Variants in DYNC1H1 observed in about 807,000 individuals in gnomAD.
DYNC1H1 encodes cytoplasmic dynein 1 heavy chain 1.
A neutral mutation model predicts 527.1 loss-of-function variants in DYNC1H1; 51 were observed. The observed-to-expected ratio is 0.10, with a 90% confidence interval of 0.08 to 0.12. The LOEUF (loss-of-function observed/expected upper bound fraction) is 0.12, where lower values mean the gene tolerates loss of function less well. Ranked by LOEUF, DYNC1H1 falls within the 10% of genes least tolerant of loss-of-function variation. DYNC1H1 has a pLI of 1.00. For missense variants in DYNC1H1, 2,771 were observed against 5,971.8 expected (o/e 0.46, Z 17.66); for synonymous variants, 2,189 against 2,278.8 (o/e 0.96, Z 1.12).
chr14:101,979,172 A>T lies in DYNC1H1; in HGVS notation c.345-147A>T. ...CATTCTGTAACCATAACCTTGATTC[A>T]GTAGCTCTCATGTACTAAAGAAAGA... On this transcript the variant is annotated intron_variant, in intron 2 of 77. Transcript: ENST00000360184. The surrounding 1 kb of genome is among the most constrained non-coding windows in gnomAD (Gnocchi z 4.6). 1.3e-6 allele frequency: 1 copy of T among 760,106 alleles called. No homozygotes were observed. Among genetic ancestry groups the T allele is most frequent in the Non-Finnish European group, 2.1e-6 (1 of 474,388 alleles). 47.1% of individuals were successfully genotyped at this position (760,106 alleles called of 1,614,324 possible).
intron 34 of DYNC1H1, among the ~76,000 whole-genome samples, chr14:102,013,747 G>A (rs954570421): frequency 1.3e-5 from 2 of 152,198 alleles, no homozygotes; most frequent in Non-Finnish European, 1.5e-5. Context: ...GCTGCCGTTT[G>A]GAGAATGAAG....
chr14:101,975,954 C>A (rs535853941), intron 2 of DYNC1H1, among the ~76,000 whole-genome samples, 155 bp downstream of exon 2: 1 of 150,584 alleles, frequency 6.6e-6, no homozygotes, highest in African/African-American at 2.4e-5. Context: ...GTTGCCCAGG[C>A]TGGAGTACAA....
intron 69 of DYNC1H1, 42 bp from the exon 70 acceptor site, chr14:102,043,833 C>A (rs1326576878): frequency 6.2e-7 from 1 of 1,613,914 alleles, no homozygotes. Flanking sequence ...TGGCGAAGTG[C>A]TGTTTTCTAA....
Position 102,041,533 on chromosome 14 carries a change from C to T in DYNC1H1, c.11942-41C>T, listed in dbSNP as rs1046065445. 1.2e-6 allele frequency: 2 copies of T among 1,613,138 alleles called. No individual in the cohort carries two copies. Among genetic ancestry groups the T allele is most frequent in the Non-Finnish European group, 8.5e-7 (1 of 1,179,958 alleles). ...AGGCAGGGGAGGGCGTCTCTGAGTCCATGCTTCCACCCAGCACCCACCCCT... is the reference window on the plus strand; with the variant it reads ...AGGCAGGGGAGGGCGTCTCTGAGTCTATGCTTCCACCCAGCACCCACCCCT... On this transcript the variant is annotated intron_variant, in intron 64 of 77. Coordinates refer to ENST00000360184, the MANE Select transcript of DYNC1H1 (RefSeq NM_001376.5). The surrounding 1 kb of genome is among the most constrained non-coding windows in gnomAD (Gnocchi z 4.5).
At position 101,979,760 on chromosome 14, in the gene DYNC1H1, C is replaced by T. The variant is rs2047841710; in HGVS notation, c.560C>T (p.Ala187Val). Residue 187 changes from alanine (A) to valine (V), a missense_variant, in exon 4 of 78, where the codon GCA becomes GTA. Transcript: ENST00000360184. This position sits in a 1 kb window ranked among gnomAD's most constrained non-coding sequence, Gnocchi z 4.6. ...GCTCCTTCAGTTGAAAAGAAGATTG[C>T]AGAACTCGAAATGGGACTCCTTCAC... Reference protein sequence around the residue: ...KMAPSVEKKIAELEMGLLHLQ... With the variant: ...KMAPSVEKKIVELEMGLLHLQ... 5.0e-6 allele frequency: 8 copies of T among 1,614,142 alleles called. No individual in the cohort carries two copies. The East Asian group carries it at 1.8e-4, about 36-fold the overall frequency.
At chr14:101,987,187 C>G (rs1466196334) in intron 8 of DYNC1H1, among the ~76,000 whole-genome samples, 1 of 152,250 alleles carries the variant, frequency 6.6e-6, no homozygotes, top group Non-Finnish European at 1.5e-5. Flanking sequence ...ACTTCCTTCT[C>G]CCAGATTTAC....
chr14:101,997,328 G>C lies in DYNC1H1; in HGVS notation c.3804+54G>C. On this transcript the variant is annotated intron_variant, in intron 16 of 77. Coordinates refer to ENST00000360184, the MANE Select transcript of DYNC1H1 (RefSeq NM_001376.5). This position sits in a 1 kb window ranked among gnomAD's most constrained non-coding sequence, Gnocchi z 4.8. Reference sequence around the variant, plus strand: ...GACTCCTCACCCAGCAGTGTGATTTGGTGACTTTCTTTCAAGCCTAAAAGG... The same window carrying C: ...GACTCCTCACCCAGCAGTGTGATTTCGTGACTTTCTTTCAAGCCTAAAAGG... 1 of 1,612,726 alleles carries C rather than the reference G, an allele frequency of 6.2e-7. No individual in the cohort carries two copies. Among genetic ancestry groups the C allele is most frequent in the South Asian group, 1.1e-5 (1 of 90,622 alleles).
intron 1 of DYNC1H1, among the ~76,000 whole-genome samples, chr14:101,970,812 A>G (rs1485482669): frequency 6.6e-6 from 1 of 152,070 alleles, no homozygotes; most frequent in Admixed American, 6.6e-5. Context: ...GGGAAAGAAG[A>G]CAAAAGATAA....
rs1412108587 is a variant in DYNC1H1, at chr14:102,012,339, C to G, written c.6883C>G (p.Leu2295Val). 4.3e-6 allele frequency: 7 copies of G among 1,614,130 alleles called. No individual in the cohort carries two copies. The highest frequency in any genetic ancestry group is 2.7e-5 in the African/African-American group (2 of 74,942). ...RKIIDSVRGE[L>V]QKRQWIVFDG... ...GATCATCGACAGCGTGAGAGGCGAGCTGCAGAAGCGCCAGTGGATCGTCTT... is the reference window on the plus strand; with the variant it reads ...GATCATCGACAGCGTGAGAGGCGAGGTGCAGAAGCGCCAGTGGATCGTCTT... Residue 2295 changes from leucine to valine, a missense_variant, in exon 34 of 78, where the codon CTG (leucine) becomes GTG (valine). Physicochemically the swap from Leu to Val is conservative, Grantham distance 32. Transcript: ENST00000360184. This position sits in a 1 kb window ranked among gnomAD's most constrained non-coding sequence, Gnocchi z 4.9.
chr14:102,043,777 A>C, intron 69 of DYNC1H1, 98 bp from the exon 70 acceptor site: 4 of 1,541,338 alleles, frequency 2.6e-6, no homozygotes, highest in Non-Finnish European at 3.6e-6. Context: ...CAGGATGTGG[A>C]GAGCTCTTTG....
At chr14:102,047,620 CGTGTGTGT>C (rs71116873) in intron 72 of DYNC1H1, 189 bp from the exon 73 acceptor site, 15 of 324,298 alleles carry the variant, frequency 4.6e-5, no homozygotes, top group Admixed American at 9.5e-5. Flanking sequence ...TATATATACA[CGTGTGTGT>C]GTGTGTGTGT....
At position 102,044,721 on chromosome 14, in the gene DYNC1H1, ACACGCAGGGTGGGTGGCGAGGGTCCCCT is replaced by A. The variant is rs754296861; in HGVS notation, c.13006+29_13006+56del. ...AGGGTAGGCAACAAGGATCCTCCCC[ACACGCAGGGTGGGTGGCGAGGGTCCCCT>A]CACGCGGGGTGGGTGGCGAGGGTCC... is the stretch of plus-strand genomic sequence containing the variant. On this transcript the variant is annotated intron_variant, in intron 72 of 77. Coordinates refer to ENST00000360184, the MANE Select transcript of DYNC1H1 (RefSeq NM_001376.5). The surrounding 1 kb of genome is among the most constrained non-coding windows in gnomAD (Gnocchi z 7.1). The A allele has an allele frequency of 1.6e-5, 26 of 1,611,584 alleles. No homozygotes were observed. The African/African-American group carries it at 1.9e-4, about 12-fold the overall frequency.
chr14:102,054,603 CT>C lies in DYNC1H1; in HGVS notation c.*4041del, dbSNP rs2048857182. On this transcript the variant is annotated 3_prime_UTR_variant, in exon 78 of 78. Coordinates refer to ENST00000360184, the MANE Select transcript of DYNC1H1 (RefSeq NM_001376.5). ...TTTTTTTTTGAGACGGAGTCTTGCTCTGTCGCCCAGGCTGGAGTGCAATGGT... is the reference window on the plus strand; with the variant it reads ...TTTTTTTTTGAGACGGAGTCTTGCTCGTCGCCCAGGCTGGAGTGCAATGGT... 1 of 137,008 alleles carries C rather than the reference CT, an allele frequency of 7.3e-6. No individual in the cohort carries two copies. Among genetic ancestry groups the C allele is most frequent in the Non-Finnish European group, 1.5e-5 (1 of 66,014 alleles). The allele number at this position is 137,008 out of a possible 1,614,324, so 8.5% of individuals were successfully genotyped here.
At chr14:102,004,077 T>C (rs1414893088) in intron 23 of DYNC1H1, among the ~76,000 whole-genome samples, 2 of 150,530 alleles carry the variant, frequency 1.3e-5, no homozygotes, top group Non-Finnish European at 3.0e-5. Flanking sequence ...CCGTCTCTAC[T>C]AAAAATACAA....
chr14:102,047,898 A>AGAC lies in DYNC1H1; in HGVS notation c.13091_13093dup (p.Thr4364dup), dbSNP rs879743942. 1 of 1,613,728 alleles carries AGAC rather than the reference A, an allele frequency of 6.2e-7. No homozygotes were observed. Among genetic ancestry groups the AGAC allele is most frequent in the Non-Finnish European group, 8.5e-7 (1 of 1,180,002 alleles). On this transcript the variant is annotated inframe_insertion, in exon 73 of 78. Transcript: ENST00000360184. ...CTGGCCTACGCAGAGACTGAGAAGA[A>AGAC]GACGAGGACAGACTCCACGTCCGAC...
rs146074061 is a variant in DYNC1H1 at position 102,054,681 on chromosome 14, A to T, written c.*4118A>T. The stretch of plus-strand genomic sequence containing the variant: ...CCTCCCAAGTTCAAATGATTCTCCT[A>T]CCTCAGCCTCCCAAGCAGCTGGGAC... On this transcript the variant is annotated 3_prime_UTR_variant, in exon 78 of 78. Transcript: ENST00000360184. 6.8e-6 allele frequency: 1 copy of T among 146,270 alleles called. No individual in the cohort carries two copies. The highest frequency in any genetic ancestry group is 2.6e-5 in the African/African-American group (1 of 38,972). The allele number at this position is 146,270 out of a possible 1,614,324, so 9.1% of individuals were successfully genotyped here. A position where few individuals can be genotyped will look rare whatever the true frequency, so the allele number is the denominator to read the frequency against.
intron 1 of DYNC1H1, 58 bp from the exon 2 acceptor site, chr14:101,975,654 G>T: frequency 6.8e-7 from 1 of 1,480,964 alleles, no homozygotes; most frequent in South Asian, 1.1e-5. Flanking sequence ...CTAAGCAGTT[G>T]ATAAATAAGA....
Position 102,002,709 on chromosome 14 carries a change from G to A in DYNC1H1, c.4709+6G>A. ...GAAACCCAGCGGTTTCAGAGGTATG[G>A]CCTCCAGCCAGAGAGCCAAATTTGC... On this transcript the variant is annotated splice_donor_region_variant and intron_variant, in intron 22 of 77. Transcript: ENST00000360184. This position sits in a 1 kb window ranked among gnomAD's most constrained non-coding sequence, Gnocchi z 4.4. The A allele has an allele frequency of 6.2e-7, 1 of 1,614,252 alleles. No homozygotes were observed.
intron 51 of DYNC1H1, among the ~76,000 whole-genome samples, chr14:102,031,327 C>G (rs1043188555): frequency 6.6e-6 from 1 of 152,138 alleles, no homozygotes; most frequent in African/African-American, 2.4e-5. Flanking sequence ...TCAGCCTTCC[C>G]TGTTTCAGAT....
Sources: allele counts gnomAD v4.1 joint callset (sites outside exome capture counted in the v4.1 genomes callset), GRCh38; gene constraint gnomAD v4.1.1; non-coding constraint Gnocchi (gnomAD v3.1); transcripts MANE v1.5; gene names NCBI Gene and HGNC (gene_info 2026-07-23, HGNC 2026-07-21).